Variants in CSMD1 observed in about 807,000 individuals in gnomAD.
The protein encoded by CSMD1 is CUB and sushi domain-containing protein 1.
In CSMD1, 213 loss-of-function variants were observed where a neutral mutation model predicts 417.5. That is an observed-to-expected ratio of 0.51 (90% CI 0.46 to 0.57). CSMD1 has a LOEUF of 0.57. CSMD1 is among the 20% of genes least tolerant of loss of function. The probability of loss-of-function intolerance (pLI) is 0.00; values close to 1 mark genes in which losing one functional copy is unlikely to be tolerated. For missense variants in CSMD1, 6,923 were observed against 4,529.7 expected (o/e 1.53, Z -15.17); for synonymous variants, 2,862 against 1,736.8 (o/e 1.65, Z -16.11).
At chr8:4,441,942 G>C (rs539394443) in intron 2 of CSMD1, among the ~76,000 whole-genome samples, 1 of 152,100 alleles carries the variant, frequency 6.6e-6, no homozygotes, top group African/African-American at 2.4e-5. Flanking sequence ...CATAACCATT[G>C]TACTGAGAAA....
intron 7 of CSMD1, among the ~76,000 whole-genome samples, chr8:3,690,288 G>A (rs1231662320): frequency 6.6e-6 from 1 of 152,214 alleles, no homozygotes; most frequent in Non-Finnish European, 1.5e-5. Flanking sequence ...TTTGAGCCCA[G>A]GAGGTGGCAG....
At chr8:3,682,916 A>G (rs564040276) in intron 7 of CSMD1, among the ~76,000 whole-genome samples, 96 of 152,320 alleles carry the variant, frequency 6.3e-4, no homozygotes, top group Middle Eastern at 3.4e-3. Context: ...GCTGGAAACC[A>G]TCATTCTCAG....
chr8:4,387,946 A>G (rs561545408), intron 3 of CSMD1, among the ~76,000 whole-genome samples: 14 of 152,266 alleles, frequency 9.2e-5, no homozygotes, highest in African/African-American at 3.4e-4. Flanking sequence ...AAAGGATTTC[A>G]TGTCTGGTAA....
At chr8:4,966,228 A>AAT (rs1306202158) in intron 1 of CSMD1, among the ~76,000 whole-genome samples, 15 of 148,068 alleles carry the variant, frequency 1.0e-4, no homozygotes, top group African/African-American at 3.5e-4. Flanking sequence ...AAAAAAAAAA[A>AAT]ATTAGCTGGG....
chr8:3,806,321 A>C (rs1800739578), intron 5 of CSMD1, among the ~76,000 whole-genome samples: 1 of 152,320 alleles, frequency 6.6e-6, no homozygotes, highest in Non-Finnish European at 1.5e-5. Context: ...TTGGGTAATT[A>C]ATAGATTCTT....
intron 2 of CSMD1, among the ~76,000 whole-genome samples, chr8:4,580,392 T>G (rs901254120): frequency 6.6e-6 from 1 of 152,252 alleles, no homozygotes; most frequent in African/African-American, 2.4e-5. Flanking sequence ...TCCTTTGTTG[T>G]GTATCGTGTA....
intron 3 of CSMD1, among the ~76,000 whole-genome samples, chr8:4,382,734 T>A (rs982566393): frequency 1.3e-5 from 2 of 152,120 alleles, no homozygotes; most frequent in African/African-American, 2.4e-5. Flanking sequence ...ACGCTTTGCA[T>A]TGTTAGGTCC....
intron 2 of CSMD1, among the ~76,000 whole-genome samples, chr8:4,422,968 A>G (rs1394857726): frequency 1.3e-5 from 2 of 151,832 alleles, no homozygotes; most frequent in African/African-American, 4.9e-5. Flanking sequence ...ACATTTGACA[A>G]TAATAATCAT....
At chr8:4,429,211 T>C (rs983133639) in intron 2 of CSMD1, among the ~76,000 whole-genome samples, 1 of 151,768 alleles carries the variant, frequency 6.6e-6, no homozygotes, top group Non-Finnish European at 1.5e-5. Context: ...ATGCCTGCCT[T>C]ACACGAATAT....
intron 49 of CSMD1, among the ~76,000 whole-genome samples, chr8:3,057,987 T>A (rs989992890): frequency 1.3e-5 from 2 of 152,198 alleles, no homozygotes; most frequent in African/African-American, 2.4e-5. Context: ...CCTCGCCAAG[T>A]ATCCACGCCG....
chr8:4,955,258 A>G (rs191672100), intron 1 of CSMD1, among the ~76,000 whole-genome samples: 1 of 152,312 alleles, frequency 6.6e-6, no homozygotes, highest in Admixed American at 6.5e-5. Context: ...AAACACAGTC[A>G]TCCTTAAAAA....
At chr8:4,596,284 G>C (rs1800271056) in intron 2 of CSMD1, among the ~76,000 whole-genome samples, 1 of 152,154 alleles carries the variant, frequency 6.6e-6, no homozygotes, top group Admixed American at 6.5e-5. Flanking sequence ...AAGCACAAGG[G>C]AGAGATGCTT....
In CSMD1 at chr8:4,057,691, A is replaced by G. The variant is rs576319255; in HGVS notation, c.416-25592T>C. 4.6e-4 allele frequency among the ~76,000 whole-genome samples: 70 copies of G among 151,748 alleles called. 1 individual carries two copies. In the South Asian group the frequency reaches 0.015, roughly 32 times the overall value. On this transcript the variant is annotated intron_variant, in intron 3 of 69. Coordinates refer to ENST00000635120, the MANE Select transcript of CSMD1 (RefSeq NM_033225.6). ...GGTGTAACGTTTAAGTCTTTAATCTATCTTGAATTGATTTCTGTACAAGGT... is the reference window on the plus strand; with the variant it reads ...GGTGTAACGTTTAAGTCTTTAATCTGTCTTGAATTGATTTCTGTACAAGGT...
intron 40 of CSMD1, among the ~76,000 whole-genome samples, chr8:3,149,924 C>A (rs975123297): frequency 2.6e-5 from 4 of 152,186 alleles, no homozygotes; most frequent in African/African-American, 9.7e-5. Flanking sequence ...ATTTGACCAA[C>A]AAGGCTCCGG....
At chr8:4,042,854 A>G (rs1272225722) in intron 3 of CSMD1, among the ~76,000 whole-genome samples, 3 of 141,338 alleles carry the variant, frequency 2.1e-5, no homozygotes, top group Non-Finnish European at 3.1e-5. Context: ...CAGGCTGGGC[A>G]CGGTGGCTCA....
At chr8:3,100,284 G>T (rs1482371349) in intron 46 of CSMD1, among the ~76,000 whole-genome samples, 1 of 152,102 alleles carries the variant, frequency 6.6e-6, no homozygotes, top group South Asian at 2.1e-4. Context: ...CAACTCCTGG[G>T]CTCAAGCAAT....
chr8:4,126,442 A>G (rs1802770756), intron 3 of CSMD1, among the ~76,000 whole-genome samples: 1 of 152,120 alleles, frequency 6.6e-6, no homozygotes, highest in Non-Finnish European at 1.5e-5. Flanking sequence ...ACACAAACCA[A>G]CATAGTAACA....
intron 2 of CSMD1, among the ~76,000 whole-genome samples, chr8:4,581,422 G>A (rs756064551): frequency 6.6e-6 from 1 of 151,922 alleles, no homozygotes; most frequent in African/African-American, 2.4e-5. Flanking sequence ...TTATCTTTTT[G>A]AGCTTGGCAG....
intron 10 of CSMD1, among the ~76,000 whole-genome samples, chr8:3,519,049 A>T (rs1314541169): frequency 6.6e-6 from 1 of 152,208 alleles, no homozygotes; most frequent in African/African-American, 2.4e-5. Flanking sequence ...AACATTTTAA[A>T]AATCCTCTTA....
Sources: allele counts gnomAD v4.1 joint callset (sites outside exome capture counted in the v4.1 genomes callset), GRCh38; gene constraint gnomAD v4.1.1; transcripts MANE v1.5; gene names NCBI Gene and HGNC (gene_info 2026-07-23, HGNC 2026-07-21).